Variants in RYR3 observed in about 807,000 individuals in gnomAD.
RYR3 encodes ryanodine receptor 3.
In RYR3, 207 loss-of-function variants were observed where a neutral mutation model predicts 584.3. That is an observed-to-expected ratio of 0.35 (90% confidence interval 0.32 to 0.40). The LOEUF (loss-of-function observed/expected upper bound fraction) is 0.40. Ranked by LOEUF, RYR3 falls within the 10% of genes least tolerant of loss-of-function variation. RYR3 has a pLI of 1.00. For missense variants in RYR3, 5,616 were observed against 6,089.2 expected (o/e 0.92, Z 2.59); for synonymous variants, 2,416 against 2,248.5 (o/e 1.07, Z -2.11).
intron 96 of RYR3, 132 bp from the exon 97 acceptor site, chr15:33,854,257 T>C: frequency 1.4e-6 from 1 of 692,578 alleles, no homozygotes; most frequent in Non-Finnish European, 2.5e-6. Context: ...GGGGAGCACA[T>C]ACAACTTGAT....
intron 1 of RYR3, among the ~76,000 whole-genome samples, chr15:33,421,196 AGG>A (rs2044217797): frequency 6.6e-6 from 1 of 152,192 alleles, no homozygotes; most frequent in Non-Finnish European, 1.5e-5. Flanking sequence ...GGGGTGCATA[AGG>A]AGACCAGAGA....
At chr15:33,628,274 A>G (rs1300588266) in intron 20 of RYR3, among the ~76,000 whole-genome samples, 197 bp from the exon 21 acceptor site, 2 of 152,138 alleles carry the variant, frequency 1.3e-5, no homozygotes, top group Non-Finnish European at 2.9e-5. Context: ...ATGGTCAGAG[A>G]GACAACAAGG....
chr15:33,674,744 A>C (rs1172619568), intron 38 of RYR3, among the ~76,000 whole-genome samples: 1 of 151,820 alleles, frequency 6.6e-6, no homozygotes, highest in African/African-American at 2.4e-5. Flanking sequence ...TTGTCTGTGA[A>C]GAATGTAGAT....
At chr15:33,644,172 A>G in intron 27 of RYR3, 139 bp from the exon 28 acceptor site, 1 of 629,048 alleles carries the variant, frequency 1.6e-6, no homozygotes, top group South Asian at 2.0e-5. Flanking sequence ...TGTGCCAGGA[A>G]GAAAGAAAGA....
rs367944855 is a variant in RYR3, at chr15:33,676,086, G to C, written c.5860+5530G>C. Among the ~76,000 whole-genome samples, 93 of 152,220 alleles carry C rather than the reference G, an allele frequency of 6.1e-4. 1 individual carries two copies. The highest frequency in any genetic ancestry group is 6.8e-3 in the Middle Eastern group (2 of 294). On this transcript the variant is annotated intron_variant, in intron 38 of 103. Coordinates refer to ENST00000634891, the MANE Select transcript of RYR3 (RefSeq NM_001036.6). ...TTAAGAGTGCTAATCAGGAAATCTC[G>C]ATTATTGGAGTTGACCCAAAGTAAT...
At chr15:33,864,812 G>C (rs1009408306) in intron 103 of RYR3, 1 of 264,096 alleles carries the variant, frequency 3.8e-6, no homozygotes, top group East Asian at 7.4e-5. Context: ...GCATTCCTCC[G>C]TCTTCCACCA....
At chr15:33,389,300 CA>C (rs1230206795) in intron 1 of RYR3, among the ~76,000 whole-genome samples, 1 of 151,828 alleles carries the variant, frequency 6.6e-6, no homozygotes, top group Non-Finnish European at 1.5e-5. Context: ...ATACAGAAAC[CA>C]AAAGTAGCAA....
At chr15:33,505,939 TAAG>T (rs1177743335) in intron 3 of RYR3, among the ~76,000 whole-genome samples, 2 of 152,206 alleles carry the variant, frequency 1.3e-5, no homozygotes, top group Non-Finnish European at 2.9e-5. Context: ...GGATAGAAAT[TAAG>T]AAGACAAAGA....
At chr15:33,787,813 G>T (rs1239822238) in intron 66 of RYR3, among the ~76,000 whole-genome samples, 1 of 152,224 alleles carries the variant, frequency 6.6e-6, no homozygotes, top group Non-Finnish European at 1.5e-5. Flanking sequence ...TGTTAGTGCA[G>T]TACTTGCTGT....
intron 95 of RYR3, 117 bp from the exon 96 acceptor site, chr15:33,853,438 C>A: frequency 7.7e-7 from 1 of 1,290,810 alleles, no homozygotes; most frequent in Non-Finnish European, 1.0e-6. Flanking sequence ...TGAACTATGT[C>A]TTCATCTACC....
At chr15:33,613,581 A>G (rs2060303752) in intron 19 of RYR3, among the ~76,000 whole-genome samples, 1 of 152,246 alleles carries the variant, frequency 6.6e-6, no homozygotes, top group African/African-American at 2.4e-5. Context: ...TGTATTATGT[A>G]CTCAGATAAA....
chr15:33,314,926 C>CAACA, intron 1 of RYR3, among the ~76,000 whole-genome samples: 1 of 87,190 alleles, frequency 1.1e-5, no homozygotes, highest in African/African-American at 4.5e-5. Flanking sequence ...AGAAAACAAA[C>CAACA]AACAAAAAAA....
At chr15:33,721,325 G>A (rs1476561175) in intron 43 of RYR3, among the ~76,000 whole-genome samples, 1 of 152,204 alleles carries the variant, frequency 6.6e-6, no homozygotes, top group African/African-American at 2.4e-5. Flanking sequence ...TTCGGAAGAC[G>A]GCAGCTGCCA....
chr15:33,615,057 C>A (rs1479879451), intron 19 of RYR3, among the ~76,000 whole-genome samples: 1 of 152,160 alleles, frequency 6.6e-6, no homozygotes, highest in Non-Finnish European at 1.5e-5. Context: ...GTCTGTAAGG[C>A]AAAACCCCAC....
In RYR3 at chr15:33,840,865, T is replaced by C; in HGVS notation, c.13019T>C (p.Val4340Ala). The C allele has an allele frequency of 6.2e-7, 1 of 1,613,870 alleles. No individual in the cohort carries two copies. Among genetic ancestry groups the C allele is most frequent in the East Asian group, 2.2e-5 (1 of 44,884 alleles). ...MKAANEAEGKVESEKADMEDG... is the reference protein window; with the variant it reads ...MKAANEAEGKAESEKADMEDG... ...GCAGCAAATGAAGCAGAAGGAAAAG[T>C]AGAATCCGAGAAGGCAGAGTAAGTT... Residue 4340 changes from valine (V) to alanine (A), a missense_variant, in exon 90 of 104, where the codon GTA (valine) becomes GCA (alanine). Physicochemically the swap from Val to Ala is moderately conservative, Grantham distance 64. Around this residue, in one of 9 missense-constraint regions of RYR3, gnomAD observed 918 missense variants for 887.4 expected, o/e 1.03. Transcript: ENST00000634891.
At chr15:33,376,687 C>T (rs187008516) in intron 1 of RYR3, among the ~76,000 whole-genome samples, 145 of 152,344 alleles carry the variant, frequency 9.5e-4, no homozygotes, top group Middle Eastern at 3.4e-3. Context: ...TACTCCACAA[C>T]ATCCACTTCA....
chr15:33,570,615 C>CA (rs1388977904), intron 12 of RYR3, among the ~76,000 whole-genome samples: 2 of 151,296 alleles, frequency 1.3e-5, no homozygotes, highest in East Asian at 1.9e-4. Flanking sequence ...AATTTTTGTC[C>CA]AAAAAAAATT....
chr15:33,821,211 G>A, intron 78 of RYR3, 59 bp from the exon 79 acceptor site: 2 of 1,380,026 alleles, frequency 1.4e-6, no homozygotes, highest in Admixed American at 2.0e-5. Context: ...CTCACTATGG[G>A]TGAACTCCCT....
intron 91 of RYR3, 104 bp downstream of exon 91, chr15:33,842,139 C>A: frequency 1.6e-6 from 2 of 1,214,602 alleles, no homozygotes; most frequent in Non-Finnish European, 1.1e-6. Flanking sequence ...GTTACACTTC[C>A]TCCCCTTTCT....
Sources: allele counts gnomAD v4.1 joint callset (sites outside exome capture counted in the v4.1 genomes callset), GRCh38; gene constraint gnomAD v4.1.1; regional missense constraint gnomAD v4.1.1; transcripts MANE v1.5; gene names NCBI Gene and HGNC (gene_info 2026-07-23, HGNC 2026-07-21).